Variants in PTPRT observed in about 807,000 individuals in gnomAD.
PTPRT encodes receptor-type tyrosine-protein phosphatase T.
PTPRT carries 56 observed loss-of-function variants against 176.8 expected under a neutral mutation model. That is an observed-to-expected ratio of 0.32 (90% CI 0.26 to 0.40). The LOEUF is 0.40. PTPRT is among the 10% of genes least tolerant of loss of function. The pLI is 1.00. For synonymous variants in PTPRT, 783 were observed against 739.0 expected (o/e 1.06, Z -0.96); for missense variants, 1,540 against 1,908.2 (o/e 0.81, Z 3.60).
At chr20:42,623,179 A>T (rs549277651) in intron 7 of PTPRT, among the ~76,000 whole-genome samples, 1 of 152,302 alleles carries the variant, frequency 6.6e-6, no homozygotes, top group South Asian at 2.1e-4. Flanking sequence ...GACTCCAAAC[A>T]AGAACCCGGG....
intron 1 of PTPRT, among the ~76,000 whole-genome samples, chr20:43,165,231 T>G (rs965352229): frequency 4.0e-5 from 6 of 151,388 alleles, no homozygotes; most frequent in Non-Finnish European, 5.9e-5. Context: ...CAATGTCGGC[T>G]CACTGCAACC....
At chr20:43,039,749 A>C (rs1037240662) in intron 1 of PTPRT, among the ~76,000 whole-genome samples, 78 of 152,260 alleles carry the variant, frequency 5.1e-4, no homozygotes, top group African/African-American at 1.8e-3. Context: ...AATAAAAAAG[A>C]AGAAAACCAG....
At position 43,115,575 on chromosome 20, in the gene PTPRT, GA is replaced by G. The variant is rs2013028622; in HGVS notation, c.88+74070del. Among the ~76,000 whole-genome samples the G allele has an allele frequency of 2.0e-5, 3 of 152,322 alleles. No homozygotes were observed. The South Asian group carries it at 6.2e-4, about 32-fold the overall frequency. On this transcript the variant is annotated intron_variant, in intron 1 of 30. Transcript: ENST00000373187. The stretch of plus-strand genomic sequence containing the variant: ...ATTTTGGGTTGTCACAGCTGAGGAA[GA>G]GAAAAGTATTACCAGCATCTAGTGT...
chr20:42,963,781 T>C (rs1478847693), intron 1 of PTPRT, among the ~76,000 whole-genome samples: 1 of 152,104 alleles, frequency 6.6e-6, no homozygotes, highest in African/African-American at 2.4e-5. Flanking sequence ...CTGAAGACAA[T>C]TAAAAATAAG....
chr20:43,020,224 A>AATATATATATATATATATTTATGTAAT (rs3030256), intron 1 of PTPRT, among the ~76,000 whole-genome samples: 2 of 145,030 alleles, frequency 1.4e-5, no homozygotes, highest in Middle Eastern at 3.7e-3. Context: ...TTAATTATGT[A>AATATATATATATATATATTTATGTAAT]ATATATATAT....
At chr20:42,130,953 GA>G (rs1988096121) in intron 18 of PTPRT, among the ~76,000 whole-genome samples, 1 of 152,192 alleles carries the variant, frequency 6.6e-6, no homozygotes, top group Non-Finnish European at 1.5e-5. Context: ...AAGGATACCA[GA>G]ATGATATGGT....
chr20:42,915,901 C>T (rs942835867), intron 1 of PTPRT, among the ~76,000 whole-genome samples: 2 of 151,490 alleles, frequency 1.3e-5, no homozygotes, highest in African/African-American at 4.9e-5. Context: ...ATGCCCGGCC[C>T]GCTATTGTTT....
At chr20:42,112,272 T>C (rs1438711892) in intron 22 of PTPRT, among the ~76,000 whole-genome samples, 4 of 152,138 alleles carry the variant, frequency 2.6e-5, no homozygotes, top group Non-Finnish European at 5.9e-5. Flanking sequence ...AGTGGACTCA[T>C]TGCCACCTGC....
intron 14 of PTPRT, among the ~76,000 whole-genome samples, chr20:42,239,523 C>A (rs561412976): frequency 1.3e-5 from 2 of 150,574 alleles, no homozygotes; most frequent in East Asian, 4.0e-4. Context: ...CCCGGGTCCA[C>A]GCCATTCTCC....
At chr20:42,570,720 G>C (rs968417773) in intron 7 of PTPRT, among the ~76,000 whole-genome samples, 1 of 152,150 alleles carries the variant, frequency 6.6e-6, no homozygotes, top group Non-Finnish European at 1.5e-5. Context: ...GAGACAGGAA[G>C]AGGAGAGAGA....
intron 1 of PTPRT, among the ~76,000 whole-genome samples, chr20:43,065,876 G>A (rs2011107839): frequency 6.6e-6 from 1 of 151,314 alleles, no homozygotes; most frequent in Non-Finnish European, 1.5e-5. Flanking sequence ...TTACAGTTGG[G>A]GAAAAAAAGG....
At chr20:42,036,793 G>T in the PTPRT span, among the ~76,000 whole-genome samples, 1 of 152,188 alleles carries the variant, frequency 6.6e-6, no homozygotes, top group Non-Finnish European at 1.5e-5. Flanking sequence ...GGAGTACTCA[G>T]CTTGTGACAA....
At chr20:42,333,463 C>G (rs6030148) in intron 11 of PTPRT, among the ~76,000 whole-genome samples, 3 of 152,006 alleles carry the variant, frequency 2.0e-5, no homozygotes. Flanking sequence ...TCCCGAGTAG[C>G]TGGGACTACA....
chr20:42,895,080 T>G (rs992249806), intron 1 of PTPRT, among the ~76,000 whole-genome samples: 10 of 152,230 alleles, frequency 6.6e-5, no homozygotes, highest in Admixed American at 3.3e-4. Flanking sequence ...GTTGTTAAAC[T>G]TTTTCTATAA....
chr20:42,091,696 G>A (rs1461004247), intron 27 of PTPRT, among the ~76,000 whole-genome samples: 1 of 152,112 alleles, frequency 6.6e-6, no homozygotes, highest in African/African-American at 2.4e-5. Context: ...ATTCTATAAA[G>A]ATCCAAAAAT....
chr20:42,226,026 T>A (rs897090553), intron 15 of PTPRT, among the ~76,000 whole-genome samples: 1 of 152,248 alleles, frequency 6.6e-6, no homozygotes, highest in Non-Finnish European at 1.5e-5. Context: ...CGTTAACCCA[T>A]GGTATCTTTC....
chr20:42,298,650 C>T (rs1433486142), intron 12 of PTPRT, among the ~76,000 whole-genome samples: 6 of 152,256 alleles, frequency 3.9e-5, no homozygotes, highest in East Asian at 1.9e-4. Flanking sequence ...GTGCCGGGCG[C>T]GGTGGCTCAC....
At chr20:43,035,362 A>G (rs1399138493) in intron 1 of PTPRT, among the ~76,000 whole-genome samples, 1 of 152,238 alleles carries the variant, frequency 6.6e-6, no homozygotes, top group Non-Finnish European at 1.5e-5. Flanking sequence ...AGGCTTCTGT[A>G]AAGGACCAGA....
intron 6 of PTPRT, among the ~76,000 whole-genome samples, chr20:42,693,700 A>G (rs2075825711): frequency 6.6e-6 from 1 of 152,210 alleles, no homozygotes; most frequent in African/African-American, 2.4e-5. Flanking sequence ...TTATACTATA[A>G]ACAAAGTCAA....
Sources: allele counts gnomAD v4.1 joint callset (sites outside exome capture counted in the v4.1 genomes callset), GRCh38; gene constraint gnomAD v4.1.1; transcripts MANE v1.5; gene names NCBI Gene and HGNC (gene_info 2026-07-23, HGNC 2026-07-21).